Variants in ANAPC1 observed in about 807,000 individuals in gnomAD.
The protein encoded by ANAPC1 is anaphase-promoting complex subunit 1.
Under a neutral mutation model 208.0 loss-of-function variants are expected in ANAPC1, and 36 were observed. The observed-to-expected ratio is 0.17, with a 90% CI of 0.13 to 0.23. The LOEUF is 0.23. Ranked by LOEUF, ANAPC1 falls within the 10% of genes least tolerant of loss-of-function variation. The pLI is 1.00. For synonymous variants in ANAPC1, 378 were observed against 695.2 expected (o/e 0.54, Z 7.18); for missense variants, 942 against 2,011.6 (o/e 0.47, Z 10.17).
rs1211391065 is a variant in ANAPC1, at chr2:111,872,648, A to C, written c.593T>G (p.Val198Gly). Residue 198 changes from valine (V) to glycine (G), a missense_variant, in exon 6 of 48, where the codon GTA (valine) becomes GGA (glycine). Coordinates refer to ENST00000341068, the MANE Select transcript of ANAPC1 (RefSeq NM_022662.4). Reference protein sequence around the residue: ...LFERSASSHEVPPGSPREPLP... With the variant: ...LFERSASSHEGPPGSPREPLP... The stretch of plus-strand genomic sequence containing the variant: ...TGAATACCTGGGTGAACCTGGAGGT[A>C]CTTCATGTGAAGAAGCGCTTCGTTC... 1.2e-6 allele frequency: 2 copies of C among 1,612,914 alleles called. No homozygotes were observed.
chr2:111,838,434 T>C lies in ANAPC1; in HGVS notation c.2115+4A>G. 2.5e-6 allele frequency: 4 copies of C among 1,596,906 alleles called. No individual in the cohort carries two copies. The highest frequency in any genetic ancestry group is 2.6e-6 in the Non-Finnish European group (3 of 1,174,620). On this transcript the variant is annotated splice_donor_region_variant and intron_variant, in intron 18 of 47. Coordinates refer to ENST00000341068, the MANE Select transcript of ANAPC1 (RefSeq NM_022662.4). ...TTATATTAGCAAGAAATAATAATGC[T>C]TACATCATCAGATCCAGTCTCGGAA...
intron 17 of ANAPC1, 91 bp downstream of exon 17, chr2:111,843,321 G>A (rs1006021314): frequency 1.7e-5 from 20 of 1,209,734 alleles, no homozygotes; most frequent in Middle Eastern, 2.7e-4. Flanking sequence ...AATATGGTAC[G>A]CCTATTATGT....
rs6742515 is a variant in ANAPC1 at position 111,867,998 on chromosome 2, T to G, written c.685+25A>C. 5.4e-6 allele frequency: 8 copies of G among 1,493,364 alleles called. No individual in the cohort carries two copies. The African/African-American group carries it at 9.9e-5, about 19-fold the overall frequency. 92.5% of individuals were successfully genotyped at this position (1,493,364 alleles called of 1,614,324 possible). On this transcript the variant is annotated intron_variant, in intron 7 of 47. Coordinates refer to ENST00000341068, the MANE Select transcript of ANAPC1 (RefSeq NM_022662.4). ...AAAGTCAAAAAAAAAAGAGCTTATCTAAAAGAATATAGAAATACACTTACT... is the reference window on the plus strand; with the variant it reads ...AAAGTCAAAAAAAAAAGAGCTTATCGAAAAGAATATAGAAATACACTTACT...
chr2:111,767,857 C>G lies in ANAPC1; in HGVS notation c.*1434G>C, dbSNP rs1453013757. The G allele has an allele frequency of 6.6e-6, 1 of 152,248 alleles. No individual in the cohort carries two copies. The highest frequency in any genetic ancestry group is 1.5e-5 in the Non-Finnish European group (1 of 68,054). The allele number at this position is 152,248 out of a possible 1,614,324, so 9.4% of individuals were successfully genotyped here. ...CTCAGTCAGCCCCATCGTGCCTCTG[C>G]TTCACATCCAGGAAGAAGCGAGTCC... On this transcript the variant is annotated 3_prime_UTR_variant, in exon 48 of 48. Coordinates refer to ENST00000341068, the MANE Select transcript of ANAPC1 (RefSeq NM_022662.4).
At chr2:111,793,085 T>C (rs577036414) in intron 37 of ANAPC1, among the ~76,000 whole-genome samples, 1 of 152,304 alleles carries the variant, frequency 6.6e-6, no homozygotes, top group African/African-American at 2.4e-5. Context: ...ATAACTGGTG[T>C]TAACGTTTTG....
At chr2:111,810,882 C>CAAAAAAAAAAAA (rs1162540899) in intron 28 of ANAPC1, among the ~76,000 whole-genome samples, 1 of 71,810 alleles carries the variant, frequency 1.4e-5, no homozygotes, top group Non-Finnish European at 2.5e-5. Flanking sequence ...GACTCCACAT[C>CAAAAAAAAAAAA]AAAAAAAAAA....
chr2:111,874,719 G>A (rs1682933097), intron 3 of ANAPC1, among the ~76,000 whole-genome samples: 1 of 152,190 alleles, frequency 6.6e-6, no homozygotes, highest in South Asian at 2.1e-4. Flanking sequence ...AAATAATGCT[G>A]CTGAAAACAC....
intron 21 of ANAPC1, among the ~76,000 whole-genome samples, chr2:111,831,070 G>A (rs569987115): frequency 7.9e-5 from 12 of 152,268 alleles, no homozygotes; most frequent in South Asian, 6.2e-4. Context: ...ATGAACTGTC[G>A]ATACAGGAAA....
At chr2:111,816,699 C>A (rs1164589689) in intron 27 of ANAPC1, among the ~76,000 whole-genome samples, 981 of 120,282 alleles carry the variant, frequency 8.2e-3, no homozygotes, top group African/African-American at 0.017. Context: ...ATAAAGTTAT[C>A]CATTTCACTG....
intron 33 of ANAPC1, among the ~76,000 whole-genome samples, chr2:111,801,202 C>G (rs538936933): frequency 6.6e-6 from 1 of 151,494 alleles, no homozygotes; most frequent in Non-Finnish European, 1.5e-5. Context: ...ACTAAAAATA[C>G]AAAAATTAGC....
chr2:111,866,410 T>C (rs111307837), intron 7 of ANAPC1: 1,359 of 127,622 alleles, frequency 0.011, 239 homozygotes, highest in African/African-American at 0.048. Context: ...CCAAAGCCCA[T>C]GTAAGGAGCT....
intron 13 of ANAPC1, among the ~76,000 whole-genome samples, chr2:111,852,990 A>C (rs966709305): frequency 2.4e-4 from 36 of 152,186 alleles, no homozygotes; most frequent in Non-Finnish European, 4.0e-4. Flanking sequence ...ACTGTATCAA[A>C]AAAAAAGAAG....
At position 111,845,225 on chromosome 2, in the gene ANAPC1, C is replaced by T. The variant is rs191489553; in HGVS notation, c.1853-1626G>A. ...AATGATCCCCTCAGAGTGGCCAGGGCTACCACTGTGAAGAGACCCAAATCT... is the reference window on the plus strand; with the variant it reads ...AATGATCCCCTCAGAGTGGCCAGGGTTACCACTGTGAAGAGACCCAAATCT... On this transcript the variant is annotated intron_variant, in intron 16 of 47. Transcript: ENST00000341068. 1.6e-3 allele frequency among the ~76,000 whole-genome samples: 240 copies of T among 152,308 alleles called. 2 individuals are homozygous for T. The highest frequency in any genetic ancestry group is 5.4e-3 in the African/African-American group (223 of 41,566).
At chr2:111,787,072 C>T (rs2104510420) in intron 39 of ANAPC1, among the ~76,000 whole-genome samples, 1 of 145,598 alleles carries the variant, frequency 6.9e-6, no homozygotes, top group Non-Finnish European at 1.5e-5. Context: ...TGGCATGAAC[C>T]CGGGAGGCGG....
rs547283058 is a variant in ANAPC1, at chr2:111,770,425, C to T, written c.5720-1019G>A. 2.8e-4 allele frequency among the ~76,000 whole-genome samples: 41 copies of T among 143,880 alleles called. No homozygotes were observed. The South Asian group carries it at 8.3e-3, about 29-fold the overall frequency. The allele number at this position is 143,880 out of a possible 152,430, so 94.4% of individuals were successfully genotyped here. A position where few individuals can be genotyped will look rare whatever the true frequency, so the allele number is the denominator to read the frequency against. ...TATTAATGTGACTAGGTATGGTTTTCTTTGTATTTATCCTGCTTAGGGTTC... is the reference window on the plus strand; with the variant it reads ...TATTAATGTGACTAGGTATGGTTTTTTTTGTATTTATCCTGCTTAGGGTTC... On this transcript the variant is annotated intron_variant, in intron 47 of 47. Transcript: ENST00000341068.
At chr2:111,821,810 G>T (rs576269432) in intron 25 of ANAPC1, 108 of 272,174 alleles carry the variant, frequency 4.0e-4, no homozygotes, top group Middle Eastern at 1.3e-3. Flanking sequence ...CTTTCTACTT[G>T]CAGGATTCCT....
intron 17 of ANAPC1, among the ~76,000 whole-genome samples, 153 bp from the exon 18 acceptor site, chr2:111,838,665 T>C (rs1263281603): frequency 2.6e-5 from 4 of 152,222 alleles, no homozygotes; most frequent in Non-Finnish European, 4.4e-5. Flanking sequence ...ATTATTTAAA[T>C]ATCTTTCTTC....
chr2:111,782,151 CTTT>C (rs1227514188), intron 43 of ANAPC1, among the ~76,000 whole-genome samples: 1 of 149,870 alleles, frequency 6.7e-6, no homozygotes, highest in Non-Finnish European at 1.5e-5. Context: ...CAGTATTTTA[CTTT>C]ATTATATATA....
rs1313720859 is a variant in ANAPC1 at position 111,866,092 on chromosome 2, T to C, written c.686-1141A>G. 3 of 185,498 alleles carry C rather than the reference T, an allele frequency of 1.6e-5. No individual in the cohort carries two copies. The Admixed American group carries it at 1.9e-4, about 12-fold the overall frequency. 11.5% of individuals were successfully genotyped at this position (185,498 alleles called of 1,614,324 possible). ...GGTGGCGGGCCCCTGTAGTCCCAGCTACTCGGGAGGCTGAGGGAGGAGAAT... is the reference window on the plus strand; with the variant it reads ...GGTGGCGGGCCCCTGTAGTCCCAGCCACTCGGGAGGCTGAGGGAGGAGAAT... On this transcript the variant is annotated intron_variant, in intron 7 of 47. Coordinates refer to ENST00000341068, the MANE Select transcript of ANAPC1 (RefSeq NM_022662.4).
Sources: allele counts gnomAD v4.1 joint callset (sites outside exome capture counted in the v4.1 genomes callset), GRCh38; gene constraint gnomAD v4.1.1; transcripts MANE v1.5; gene names NCBI Gene and HGNC (gene_info 2026-07-23, HGNC 2026-07-21).